Variants in USP34 observed in about 807,000 individuals in gnomAD.
USP34 encodes the protein ubiquitin specific peptidase 34.
USP34 carries 70 observed loss-of-function variants against 460.3 expected under a neutral mutation model. The observed-to-expected ratio is 0.15, with a 90% CI of 0.13 to 0.19. The LOEUF (loss-of-function observed/expected upper bound fraction) is 0.19, where lower values mean the gene tolerates loss of function less well. Ranked by LOEUF, USP34 falls within the 10% of genes least tolerant of loss-of-function variation. The probability of loss-of-function intolerance (pLI) is 1.00; values close to 1 mark genes in which losing one functional copy is unlikely to be tolerated. For missense variants in USP34, 3,985 were observed against 4,236.2 expected, an observed-to-expected ratio of 0.94 and a Z score of 1.65; for synonymous variants, 1,647 against 1,405.3, an observed-to-expected ratio of 1.17 and a Z score of -3.85.
chr2:61,320,103 G>A (rs1303776218), intron 21 of USP34, among the ~76,000 whole-genome samples: 1 of 152,078 alleles, frequency 6.6e-6, no homozygotes, highest in Non-Finnish European at 1.5e-5. Context: ...CAGTGGGCTC[G>A]CTTTTGTACC....
intron 1 of USP34, among the ~76,000 whole-genome samples, chr2:61,468,112 G>A (rs1018286689): frequency 2.6e-5 from 4 of 152,140 alleles, no homozygotes; most frequent in East Asian, 1.9e-4. Flanking sequence ...TCATAGCCAC[G>A]GATAAGCAAA....
intron 29 of USP34, among the ~76,000 whole-genome samples, chr2:61,299,348 C>T (rs966366876): frequency 6.6e-6 from 1 of 152,156 alleles, no homozygotes; most frequent in Admixed American, 6.5e-5. Context: ...GCATAAGCTA[C>T]ATGAATACAT....
At chr2:61,256,540 A>G in intron 47 of USP34, 62 bp from the exon 48 acceptor site, 2 of 1,301,076 alleles carry the variant, frequency 1.5e-6, no homozygotes, top group Non-Finnish European at 2.1e-6. Context: ...AATATACAAA[A>G]GGTGGCAATT....
chr2:61,286,241 G>T (rs1209092138), intron 34 of USP34, among the ~76,000 whole-genome samples: 1 of 152,110 alleles, frequency 6.6e-6, no homozygotes, highest in African/African-American at 2.4e-5. Context: ...TCTGTCTTCA[G>T]TATTAACGCA....
chr2:61,349,264 G>A lies in USP34; in HGVS notation c.1529C>T (p.Thr510Ile), dbSNP rs778927631. 6.2e-7 allele frequency: 1 copy of A among 1,613,416 alleles called. No individual in the cohort carries two copies. Among genetic ancestry groups the A allele is most frequent in the Non-Finnish European group, 8.5e-7 (1 of 1,179,778 alleles). Residue 510 changes from threonine (T) to isoleucine (I), a missense_variant, in exon 13 of 80, where the codon ACA (threonine) becomes ATA (isoleucine). Around this residue, in one of 14 missense-constraint regions of USP34, gnomAD observed 716 missense variants for 626.2 expected, o/e 1.14. Transcript: ENST00000398571. ...GCTCAACTTACAAGGTGATGGAGCTGTTCTTCTAAGCTCTTCTTCCTCTGA... is the reference window on the plus strand; with the variant it reads ...GCTCAACTTACAAGGTGATGGAGCTATTCTTCTAAGCTCTTCTTCCTCTGA... The part of the protein sequence containing the change: ...NKKEEEELRR[T>I]APSPWSPAAS...
chr2:61,462,375 C>T (rs776712425), intron 1 of USP34, among the ~76,000 whole-genome samples: 14 of 151,458 alleles, frequency 9.2e-5, no homozygotes, highest in Non-Finnish European at 1.8e-4. Context: ...ACAGTGAAGC[C>T]CCATTCCTAC....
intron 70 of USP34, 97 bp from the exon 71 acceptor site, chr2:61,206,983 C>G: frequency 7.5e-7 from 1 of 1,334,488 alleles, no homozygotes; most frequent in Non-Finnish European, 1.0e-6. Context: ...TGTTTTCAGA[C>G]TCAGACTGTG....
chr2:61,371,016 T>C (rs906574695), intron 8 of USP34, among the ~76,000 whole-genome samples: 1 of 152,156 alleles, frequency 6.6e-6, no homozygotes, highest in Non-Finnish European at 1.5e-5. Flanking sequence ...CAAGCCAAAC[T>C]GTAAGTCTCC....
At chr2:61,268,861 G>C (rs557061592) in intron 41 of USP34, among the ~76,000 whole-genome samples, 1 of 151,982 alleles carries the variant, frequency 6.6e-6, no homozygotes, top group African/African-American at 2.4e-5. Context: ...CATATATTCA[G>C]TAAAATTTCA....
At chr2:61,290,950 C>T (rs1689832002) in intron 33 of USP34, among the ~76,000 whole-genome samples, 1 of 152,046 alleles carries the variant, frequency 6.6e-6, no homozygotes, top group Non-Finnish European at 1.5e-5. Context: ...CAAAGGAAAA[C>T]AGAGACACTA....
intron 67 of USP34, among the ~76,000 whole-genome samples, chr2:61,219,219 TTC>T: frequency 6.6e-6 from 1 of 152,372 alleles, no homozygotes; most frequent in East Asian, 1.9e-4. Context: ...AGCTCTGTGT[TTC>T]TCTGACATAC....
chr2:61,356,523 T>C (rs1315320007), intron 10 of USP34, among the ~76,000 whole-genome samples: 1 of 151,746 alleles, frequency 6.6e-6, no homozygotes, highest in Non-Finnish European at 1.5e-5. Flanking sequence ...TGCAATACTA[T>C]TCATCCTTAA....
At chr2:61,411,260 T>C (rs1180788377) in intron 2 of USP34, among the ~76,000 whole-genome samples, 1 of 151,668 alleles carries the variant, frequency 6.6e-6, no homozygotes, top group Non-Finnish European at 1.5e-5. Flanking sequence ...CATACGCCCG[T>C]AATCCCAGCT....
At chr2:61,280,179 A>T in intron 39 of USP34, 65 bp downstream of exon 39, 2 of 944,356 alleles carry the variant, frequency 2.1e-6, no homozygotes, top group Non-Finnish European at 3.1e-6. Flanking sequence ...AGTCATGAAC[A>T]TATGTCATAA....
At chr2:61,331,168 T>C (rs1691249191) in intron 20 of USP34, 108 bp downstream of exon 20, 1 of 917,106 alleles carries the variant, frequency 1.1e-6, no homozygotes, top group Non-Finnish European at 1.6e-6. Flanking sequence ...AATAAAGTTT[T>C]CTGTTACAAT....
chr2:61,277,734 G>C (rs1023394793), intron 41 of USP34: 1 of 155,470 alleles, frequency 6.4e-6, no homozygotes, highest in Non-Finnish European at 1.4e-5. Flanking sequence ...GTTTGGCCGT[G>C]TCTCCACCCA....
intron 5 of USP34, among the ~76,000 whole-genome samples, chr2:61,386,150 C>G (rs976802758): frequency 1.2e-4 from 18 of 152,092 alleles, no homozygotes; most frequent in Non-Finnish European, 2.1e-4. Context: ...AGCCCAAACC[C>G]ATGCACATAA....
chr2:61,277,273 G>C (rs1689399463), intron 41 of USP34, among the ~76,000 whole-genome samples: 2 of 136,946 alleles, frequency 1.5e-5, no homozygotes, highest in Admixed American at 7.8e-5. Context: ...TTCTCCTTCT[G>C]TCACCTAGGC....
Position 61,211,802 on chromosome 2 carries a change from T to C in USP34, c.8810A>G (p.Asp2937Gly). 1 of 1,590,726 alleles carries C rather than the reference T, an allele frequency of 6.3e-7. No individual in the cohort carries two copies. Among genetic ancestry groups the C allele is most frequent in the Non-Finnish European group, 8.5e-7 (1 of 1,172,944 alleles). ...TAAAGTAGTCCAGCAGGAGCGGCCA[T>C]CTAAGCAACGTAAGTAACAACTTAT... Reference protein sequence around the residue: ...TTISCYLRCLDGRSCWTTLIS... With the variant: ...TTISCYLRCLGGRSCWTTLIS... The change falls in exon 69 of 80, where the codon GAT becomes GGT. Residue 2937 changes from aspartate to glycine, a missense_variant. Asp to Gly is a moderately conservative substitution (Grantham distance 94). Transcript: ENST00000398571.
Sources: allele counts gnomAD v4.1 joint callset (sites outside exome capture counted in the v4.1 genomes callset), GRCh38; gene constraint gnomAD v4.1.1; regional missense constraint gnomAD v4.1.1; transcripts MANE v1.5; gene names NCBI Gene and HGNC (gene_info 2026-07-23, HGNC 2026-07-21).